Variants in RIMKLB observed in about 807,000 individuals in gnomAD.
RIMKLB encodes the protein ribosomal modification protein rimK like family member B.
In RIMKLB, 7 loss-of-function variants were observed where a neutral mutation model predicts 32.0. The ratio of observed to expected loss-of-function variants is 0.22; its 90% CI spans 0.12 to 0.41. The LOEUF (loss-of-function observed/expected upper bound fraction) is 0.41. RIMKLB is among the 10% of genes least tolerant of loss of function. RIMKLB has a pLI of 1.00. For synonymous variants in RIMKLB, 172 were observed against 185.1 expected (o/e 0.93, Z 0.57); for missense variants, 289 against 498.7 (o/e 0.58, Z 4.00).
intron 2 of RIMKLB, among the ~76,000 whole-genome samples, chr12:8,725,929 CCTCCGCCTTCCAG>C: frequency 6.6e-6 from 1 of 152,198 alleles, no homozygotes; most frequent in East Asian, 1.9e-4. Flanking sequence ...TTCACTGCAA[CCTCCGCCTTCCAG>C]GTTCAAGCGA....
At chr12:8,669,810 G>A in the RIMKLB span, among the ~76,000 whole-genome samples, 7 of 151,662 alleles carry the variant, frequency 4.6e-5, no homozygotes, top group African/African-American at 1.7e-4. Context: ...GGCGGATCAC[G>A]AGGTCAGGAG....
chr12:8,714,081 A>G, intron 2 of RIMKLB, 40 bp downstream of exon 2: 1 of 1,547,362 alleles, frequency 6.5e-7, no homozygotes, highest in African/African-American at 1.4e-5. Flanking sequence ...ATTTTTACCT[A>G]GAATATGATG....
At chr12:8,765,625 T>TA (rs754417436) in intron 5 of RIMKLB, among the ~76,000 whole-genome samples, 35 of 152,290 alleles carry the variant, frequency 2.3e-4, no homozygotes, top group Admixed American at 8.5e-4. Context: ...GAGAAAAAGG[T>TA]ACATGCACTC....
At chr12:8,769,247 T>C (rs1409007039) in intron 5 of RIMKLB, among the ~76,000 whole-genome samples, 1 of 152,152 alleles carries the variant, frequency 6.6e-6, no homozygotes, top group African/African-American at 2.4e-5. Context: ...GACTTACTAA[T>C]GTTGTCAGAG....
intron 2 of RIMKLB, among the ~76,000 whole-genome samples, chr12:8,723,379 G>A (rs141028445): frequency 2.6e-4 from 40 of 152,082 alleles, no homozygotes; most frequent in Non-Finnish European, 4.1e-4. Context: ...AGTTAGTGTC[G>A]CCCATTTATA....
chr12:8,750,213 A>G, intron 3 of RIMKLB, 121 bp downstream of exon 3: 1 of 552,762 alleles, frequency 1.8e-6, no homozygotes, highest in Non-Finnish European at 3.2e-6. Context: ...CACACTGGAC[A>G]GGATAATTAT....
At chr12:8,691,210 A>G (rs1379958900) in intron 1 of RIMKLB, among the ~76,000 whole-genome samples, 1 of 152,158 alleles carries the variant, frequency 6.6e-6, no homozygotes. Flanking sequence ...ACTGCAGCCT[A>G]GAACTCCTGG....
intron 3 of RIMKLB, among the ~76,000 whole-genome samples, chr12:8,750,783 A>T (rs762942412): frequency 1.1e-4 from 17 of 152,214 alleles, no homozygotes; most frequent in Non-Finnish European, 2.4e-4. Context: ...CTATCCAGGC[A>T]TAGGTTACAG....
At chr12:8,723,789 G>C (rs1945699282) in intron 2 of RIMKLB, among the ~76,000 whole-genome samples, 1 of 142,856 alleles carries the variant, frequency 7.0e-6, no homozygotes, top group Non-Finnish European at 1.5e-5. Flanking sequence ...ATTCTCATAG[G>C]CTTTCTTCAG....
chr12:8,768,281 C>A (rs1271554009), intron 5 of RIMKLB, among the ~76,000 whole-genome samples: 2 of 152,166 alleles, frequency 1.3e-5, no homozygotes, highest in Non-Finnish European at 2.9e-5. Flanking sequence ...CAGAGGACAT[C>A]CTGCTGGATC....
chr12:8,707,004 GA>G (rs1943937563), intron 1 of RIMKLB, among the ~76,000 whole-genome samples: 1 of 152,106 alleles, frequency 6.6e-6, no homozygotes, highest in Non-Finnish European at 1.5e-5. Flanking sequence ...GAAAGTCACA[GA>G]AAAAGAGGCT....
intron 1 of RIMKLB, among the ~76,000 whole-genome samples, chr12:8,704,655 C>T (rs1943692357): frequency 6.6e-6 from 1 of 152,112 alleles, no homozygotes; most frequent in South Asian, 2.1e-4. Context: ...TCCCTGACTC[C>T]TAAAGTCATT....
intron 1 of RIMKLB, among the ~76,000 whole-genome samples, chr12:8,708,051 AC>A (rs1207420737): frequency 6.6e-6 from 1 of 152,224 alleles, no homozygotes; most frequent in African/African-American, 2.4e-5. Flanking sequence ...ACTGTGTGTT[AC>A]AGTAGAGTTC....
intron 2 of RIMKLB, among the ~76,000 whole-genome samples, chr12:8,717,021 T>C (rs895615225): frequency 2.0e-5 from 3 of 151,520 alleles, no homozygotes; most frequent in Non-Finnish European, 2.9e-5. Flanking sequence ...TGTTGATGTG[T>C]CTCCTATATA....
At chr12:8,771,076 A>G (rs1255404658) in intron 5 of RIMKLB, among the ~76,000 whole-genome samples, 2 of 152,190 alleles carry the variant, frequency 1.3e-5, no homozygotes, top group African/African-American at 4.8e-5. Context: ...AGGAGCCTCT[A>G]CGTGTCCAGC....
chr12:8,713,099 C>A (rs1007590138), intron 1 of RIMKLB, among the ~76,000 whole-genome samples: 1 of 152,044 alleles, frequency 6.6e-6, no homozygotes, highest in Admixed American at 6.6e-5. Flanking sequence ...TTTAAAAATT[C>A]TATTTATAGG....
chr12:8,716,725 C>CTTTTTTTTTTT (rs71451981), intron 2 of RIMKLB, among the ~76,000 whole-genome samples: 15 of 95,152 alleles, frequency 1.6e-4, no homozygotes, highest in South Asian at 3.9e-4. Context: ...TCTTTTCCTT[C>CTTTTTTTTTTT]TTTTTTTTTT....
intron 2 of RIMKLB, among the ~76,000 whole-genome samples, chr12:8,743,354 C>CAAAAAAAA (rs60066068): frequency 1.5e-5 from 1 of 65,188 alleles, no homozygotes; most frequent in African/African-American, 5.7e-5. Context: ...GAGTCTGTCT[C>CAAAAAAAA]AAAAAAAAAA....
At chr12:8,761,347 G>A (rs1246295840) in intron 5 of RIMKLB, among the ~76,000 whole-genome samples, 9 of 150,040 alleles carry the variant, frequency 6.0e-5, no homozygotes, top group Non-Finnish European at 1.2e-4. Flanking sequence ...TCTTTGGATA[G>A]CTTACTGTTC....
Sources: gnomAD v4.1 joint callset for allele counts (sites outside exome capture counted in the v4.1 genomes callset) on GRCh38, gnomAD v4.1.1 for gene constraint, MANE v1.5 for transcripts, NCBI Gene and HGNC (gene_info 2026-07-23, HGNC 2026-07-21) for gene names.